RTF1: variants seen among roughly 807,000 people sequenced by gnomAD.
RTF1 encodes RNA polymerase-associated protein RTF1 homolog.
A neutral mutation model predicts 95.7 loss-of-function variants in RTF1; 10 were observed. The ratio of observed to expected loss-of-function variants is 0.10; its 90% CI spans 0.06 to 0.18. RTF1 has a LOEUF of 0.18. Among genes scored for constraint, RTF1 ranks in the 10% least tolerant of loss-of-function variants. RTF1 has a pLI of 1.00. For synonymous variants in RTF1, 305 were observed against 311.8 expected, an observed-to-expected ratio of 0.98 and a Z score of 0.23; for missense variants, 458 against 875.6, an observed-to-expected ratio of 0.52 and a Z score of 6.02.
chr15:41,477,267 A>G lies in RTF1; in HGVS notation c.1663A>G (p.Lys555Glu). Residue 555 changes from lysine (K) to glutamate (E), a missense_variant, in exon 13 of 18, where the codon AAG becomes GAG. Transcript: ENST00000389629. ...AGAGGCCCTGGACCGCCAGCGGACC[A>G]AGAACATATCCGCTATCAGGTGTGT... ...RAEALDRQRT[K>E]NISAISYINQ... is the part of the protein sequence containing the mutation. 6.2e-7 allele frequency: 1 copy of G among 1,614,268 alleles called. No homozygotes were observed. The highest frequency in any genetic ancestry group is 8.5e-7 in the Non-Finnish European group (1 of 1,180,054).
intron 2 of RTF1, 40 bp downstream of exon 2, chr15:41,438,471 G>A (rs541418882): frequency 7.3e-6 from 10 of 1,365,042 alleles, no homozygotes; most frequent in Non-Finnish European, 1.0e-5. Context: ...CCATTAGATA[G>A]TTGAGGCTCC....
intron 2 of RTF1, among the ~76,000 whole-genome samples, chr15:41,449,659 T>C (rs1010788164): frequency 2.0e-4 from 31 of 151,836 alleles, no homozygotes; most frequent in South Asian, 1.0e-3. Flanking sequence ...TTTTTTTTTT[T>C]CCCCAACTTT....
At chr15:41,468,298 A>G (rs898083852) in intron 6 of RTF1, among the ~76,000 whole-genome samples, 2 of 151,902 alleles carry the variant, frequency 1.3e-5, no homozygotes, top group African/African-American at 4.9e-5. Context: ...CTCATTCATT[A>G]TCTAGCCTGC....
intron 1 of RTF1, among the ~76,000 whole-genome samples, chr15:41,428,214 TG>T (rs1470594584): frequency 1.3e-5 from 2 of 150,834 alleles, no homozygotes; most frequent in Non-Finnish European, 2.9e-5. Context: ...ACTGTCACTT[TG>T]GGGGTTCTTG....
At chr15:41,440,041 G>A (rs2050724613) in intron 2 of RTF1, among the ~76,000 whole-genome samples, 1 of 148,836 alleles carries the variant, frequency 6.7e-6, no homozygotes. Flanking sequence ...TTACCCTACA[G>A]CCTAGGAAAA....
At chr15:41,473,355 A>G (rs1391853371) in intron 8 of RTF1, among the ~76,000 whole-genome samples, 3 of 150,746 alleles carry the variant, frequency 2.0e-5, no homozygotes, top group Non-Finnish European at 2.9e-5. Flanking sequence ...GATGGTCTCG[A>G]TCTCCTGACT....
At position 41,480,894 on chromosome 15, in the gene RTF1, G is replaced by A. The variant is rs566633109; in HGVS notation, c.*207G>A. The stretch of plus-strand genomic sequence containing the variant: ...CTCCCACCAGCCTCCCCTCCCCCAG[G>A]GCCCCACCCAGTGTGGGCCTGGGCT... On this transcript the variant is annotated 3_prime_UTR_variant, in exon 18 of 18. Coordinates refer to ENST00000389629, the MANE Select transcript of RTF1 (RefSeq NM_015138.5). 13 of 575,836 alleles carry A rather than the reference G, an allele frequency of 2.3e-5. No individual in the cohort carries two copies. The highest frequency in any genetic ancestry group is 2.8e-5 in the Non-Finnish European group (9 of 321,912). 35.7% of individuals were successfully genotyped at this position (575,836 alleles called of 1,614,324 possible).
chr15:41,468,512 T>C (rs2050892717), intron 6 of RTF1, among the ~76,000 whole-genome samples: 1 of 151,928 alleles, frequency 6.6e-6, no homozygotes, highest in South Asian at 2.1e-4. Flanking sequence ...AGAGAAGGGG[T>C]TTCACCATGT....
At chr15:41,431,228 T>C (rs2050670536) in intron 1 of RTF1, among the ~76,000 whole-genome samples, 2 of 147,478 alleles carry the variant, frequency 1.4e-5, no homozygotes, top group Admixed American at 6.8e-5. Context: ...CTTTTTTTTT[T>C]TTTGAGAAGG....
At position 41,438,363 on chromosome 15, in the gene RTF1, GAGA is replaced by G. The variant is rs2050715394; in HGVS notation, c.244_246del (p.Lys82del). On this transcript the variant is annotated inframe_deletion, in exon 2 of 18. Transcript: ENST00000389629. ...AAAGCGAAAGCGCAGTGACTCTGAG[GAGA>G]AGGAGCCGCCTGTGAGTCAGCCTGC... 1.3e-6 allele frequency: 2 copies of G among 1,551,168 alleles called. No homozygotes were observed. Among genetic ancestry groups the G allele is most frequent in the Non-Finnish European group, 1.7e-6 (2 of 1,146,708 alleles).
chr15:41,456,670 G>A (rs1291601691), intron 3 of RTF1, among the ~76,000 whole-genome samples: 2 of 150,616 alleles, frequency 1.3e-5, no homozygotes, highest in African/African-American at 2.4e-5. Flanking sequence ...AGTGGTGAGC[G>A]CCTGAGCTAC....
chr15:41,467,646 C>T (rs373980335), intron 6 of RTF1, among the ~76,000 whole-genome samples: 11 of 151,672 alleles, frequency 7.3e-5, no homozygotes, highest in Admixed American at 3.3e-4. Context: ...ACCCGGGAGA[C>T]GGAGGTTGCA....
chr15:41,441,558 C>T (rs1000752844), intron 2 of RTF1, among the ~76,000 whole-genome samples: 1 of 152,000 alleles, frequency 6.6e-6, no homozygotes, highest in African/African-American at 2.4e-5. Flanking sequence ...ATTAGAGGAG[C>T]CCACAACTTG....
chr15:41,461,171 T>C (rs1278783541), intron 4 of RTF1, among the ~76,000 whole-genome samples: 2 of 151,936 alleles, frequency 1.3e-5, no homozygotes, highest in Non-Finnish European at 2.9e-5. Flanking sequence ...GCCTCCCCTG[T>C]AGCTGGGATT....
At position 41,475,719 on chromosome 15, in the gene RTF1, C is replaced by T. The variant is rs2050938967; in HGVS notation, c.1382C>T (p.Ser461Phe). 6.2e-7 allele frequency: 1 copy of T among 1,609,706 alleles called. No individual in the cohort carries two copies. Among genetic ancestry groups the T allele is most frequent in the East Asian group, 2.2e-5 (1 of 44,886 alleles). The change falls in exon 11 of 18, where the codon TCT becomes TTT. Residue 461 changes from serine (S) to phenylalanine (F), a missense_variant. This residue lies in a region of RTF1 where 150 missense variants were observed against 275.7 expected (regional missense o/e 0.54). Coordinates refer to ENST00000389629, the MANE Select transcript of RTF1 (RefSeq NM_015138.5). ...ATCGTGTTTTTGATCCAGATGTTCT[C>T]TGCTGGCATGCAGTTGCCCACTCTA... ...EFMKWKEAMF[S>F]AGMQLPTLDE...
At chr15:41,447,233 C>T (rs1425811856) in intron 2 of RTF1, among the ~76,000 whole-genome samples, 3 of 152,182 alleles carry the variant, frequency 2.0e-5, no homozygotes, top group Admixed American at 2.0e-4. Context: ...ATTCCTTGCT[C>T]ATTAGAGATA....
At chr15:41,478,339 T>TG (rs879375255) in intron 14 of RTF1, 2 of 514,420 alleles carry the variant, frequency 3.9e-6, no homozygotes, top group Middle Eastern at 5.1e-4. Flanking sequence ...AGGCAGCAGA[T>TG]GCAATGAGCT....
intron 9 of RTF1, 48 bp downstream of exon 9, chr15:41,474,750 C>A: frequency 7.3e-7 from 1 of 1,367,158 alleles, no homozygotes; most frequent in Non-Finnish European, 1.0e-6. Flanking sequence ...CAAACAGGCA[C>A]TGGCTTTGGG....
intron 2 of RTF1, among the ~76,000 whole-genome samples, chr15:41,450,968 A>T (rs1315593288): frequency 6.6e-6 from 1 of 152,040 alleles, no homozygotes; most frequent in African/African-American, 2.4e-5. Flanking sequence ...AAAAAAAAAG[A>T]TTAAAAATAG....
Sources: gnomAD v4.1 joint callset for allele counts (sites outside exome capture counted in the v4.1 genomes callset) on GRCh38, gnomAD v4.1.1 for gene constraint, gnomAD v4.1.1 regional missense constraint, MANE v1.5 for transcripts, NCBI Gene and HGNC (gene_info 2026-07-23, HGNC 2026-07-21) for gene names.